TMEM47: variants seen among roughly 807,000 people sequenced by gnomAD.
TMEM47 encodes transmembrane protein 47.
Under a neutral mutation model 12.4 loss-of-function variants are expected in TMEM47, and 3 were observed. That is an observed-to-expected ratio of 0.24 (90% CI 0.11 to 0.63). The LOEUF (loss-of-function observed/expected upper bound fraction) is 0.63, where lower values mean the gene tolerates loss of function less well. Among genes scored for constraint, TMEM47 ranks in the 20% least tolerant of loss-of-function variants. TMEM47 has a pLI of 0.86. For synonymous variants in TMEM47, 62 were observed against 63.3 expected (o/e 0.98, Z 0.10); for missense variants, 89 against 143.8 (o/e 0.62, Z 1.95).
intron 2 of TMEM47, among the ~76,000 whole-genome samples, chrX:34,631,068 G>A: frequency 9.8e-6 from 1 of 102,528 alleles, no homozygotes; most frequent in Non-Finnish European, 2.0e-5. Context: ...CTACTCAGGA[G>A]GCTAAGGCTG....
At chrX:34,655,557 G>T (rs1328232548) in intron 1 of TMEM47, among the ~76,000 whole-genome samples, 1 of 111,730 alleles carries the variant, frequency 9.0e-6, no homozygotes, top group Non-Finnish European at 1.9e-5. Flanking sequence ...TAAATTTACA[G>T]AAGAAACTTG....
At chrX:34,642,951 A>C (rs1315221054) in intron 1 of TMEM47, among the ~76,000 whole-genome samples, 1 of 111,986 alleles carries the variant, frequency 8.9e-6, no homozygotes, top group East Asian at 2.8e-4. Flanking sequence ...AACCTCGATC[A>C]GGAAGCTGAA....
At chrX:34,649,182 C>T (rs1382644005) in intron 1 of TMEM47, among the ~76,000 whole-genome samples, 6 of 111,612 alleles carry the variant, frequency 5.4e-5, no homozygotes, top group Non-Finnish European at 1.9e-5. Context: ...ACCATTCAAC[C>T]CAGCAATCCC....
At chrX:34,656,472 C>G (rs1283403709) in intron 1 of TMEM47, among the ~76,000 whole-genome samples, 2 of 109,509 alleles carry the variant, frequency 1.8e-5, no homozygotes, top group African/African-American at 3.3e-5. Context: ...TGGAAGGCGT[C>G]GCATTTTTTT....
intron 2 of TMEM47, among the ~76,000 whole-genome samples, chrX:34,634,783 A>G (rs1215408531): frequency 8.9e-6 from 1 of 112,106 alleles, no homozygotes; most frequent in Admixed American, 9.5e-5. Flanking sequence ...AAAGACGTCT[A>G]GGAAGACAAA....
rs1377190357 is a variant in TMEM47, at chrX:34,627,618, T to C, written c.*2695A>G. The C allele has an allele frequency of 1.8e-5, 2 of 112,300 alleles. No homozygotes were observed. Among genetic ancestry groups the C allele is most frequent in the Non-Finnish European group, 3.8e-5 (2 of 53,150 alleles). The allele number at this position is 112,300 out of a possible 1,213,427, so 9.3% of individuals were successfully genotyped here. The stretch of plus-strand genomic sequence containing the variant: ...GAACTTACAAAAAGCTAAATAATTG[T>C]GCAAGAAATCGGAATAACTAGCCCT... On this transcript the variant is annotated 3_prime_UTR_variant, in exon 3 of 3. Coordinates refer to ENST00000275954, the MANE Select transcript of TMEM47 (RefSeq NM_031442.4).
chrX:34,642,543 A>G (rs865920705), intron 1 of TMEM47, among the ~76,000 whole-genome samples: 8 of 112,017 alleles, frequency 7.1e-5, no homozygotes, highest in Middle Eastern at 4.2e-3. Flanking sequence ...AAATACTTCT[A>G]AAAAGTAGAT....
At chrX:34,635,154 C>G (rs987966640) in intron 2 of TMEM47, among the ~76,000 whole-genome samples, 3 of 111,348 alleles carry the variant, frequency 2.7e-5, no homozygotes, top group Non-Finnish European at 5.6e-5. Flanking sequence ...TGATTATAAC[C>G]GACATTTCTC....
At chrX:34,655,183 G>C (rs1431909538) in intron 1 of TMEM47, among the ~76,000 whole-genome samples, 1 of 111,895 alleles carries the variant, frequency 8.9e-6, no homozygotes, top group Admixed American at 9.5e-5. Flanking sequence ...TAACCTATCT[G>C]AAAAGTCTTT....
rs1313775972 is a variant in TMEM47, at chrX:34,629,070, A to G, written c.*1243T>C. Reference sequence around the variant, plus strand: ...TACTCCTCTACTGAGACATTTAGATATTTATATAAATCTATCGCTATTCCT... The same window carrying G: ...TACTCCTCTACTGAGACATTTAGATGTTTATATAAATCTATCGCTATTCCT... On this transcript the variant is annotated 3_prime_UTR_variant, in exon 3 of 3. Transcript: ENST00000275954. The G allele has an allele frequency of 8.9e-6, 1 of 111,870 alleles. No individual in the cohort carries two copies. Among genetic ancestry groups the G allele is most frequent in the Non-Finnish European group, 1.9e-5 (1 of 53,110 alleles). 9.2% of individuals were successfully genotyped at this position (111,870 alleles called of 1,213,427 possible).
chrX:34,647,723 G>T (rs1921939632), intron 1 of TMEM47, among the ~76,000 whole-genome samples: 1 of 112,088 alleles, frequency 8.9e-6, no homozygotes, highest in Admixed American at 9.5e-5. Context: ...GTGTGAGGTT[G>T]AAATTCTGCT....
chrX:34,650,539 T>G (rs1385897199), intron 1 of TMEM47, among the ~76,000 whole-genome samples: 1 of 111,999 alleles, frequency 8.9e-6, no homozygotes, highest in Non-Finnish European at 1.9e-5. Flanking sequence ...AGAGCTATGT[T>G]ATTAAAACAA....
Position 34,628,848 on chromosome X carries a change from CA to C in TMEM47, c.*1464del, listed in dbSNP as rs1921558951. The C allele has an allele frequency of 9.0e-6, 1 of 111,475 alleles. No individual in the cohort carries two copies. Among genetic ancestry groups the C allele is most frequent in the African/African-American group, 3.3e-5 (1 of 30,597 alleles). The allele number at this position is 111,475 out of a possible 1,213,427, so 9.2% of individuals were successfully genotyped here. On this transcript the variant is annotated 3_prime_UTR_variant, in exon 3 of 3. Transcript: ENST00000275954. The stretch of plus-strand genomic sequence containing the variant: ...AAAATATGTTTATAATTAAGCTATC[CA>C]AATTTGTATATTAAACAGAATTAAC...
At chrX:34,649,439 A>G (rs769120256) in intron 1 of TMEM47, among the ~76,000 whole-genome samples, 3 of 111,630 alleles carry the variant, frequency 2.7e-5, no homozygotes, top group Non-Finnish European at 5.6e-5. Context: ...TTAGCACACT[A>G]ACGCAGGAAC....
chrX:34,656,532 C>A (rs1439947192), intron 1 of TMEM47, among the ~76,000 whole-genome samples: 2 of 110,389 alleles, frequency 1.8e-5, no homozygotes, highest in African/African-American at 3.3e-5. Flanking sequence ...CCCAAAATAG[C>A]GTACGTGTTA....
chrX:34,647,521 T>C (rs1024921196), intron 1 of TMEM47, among the ~76,000 whole-genome samples: 5 of 111,522 alleles, frequency 4.5e-5, no homozygotes, highest in African/African-American at 1.6e-4. Flanking sequence ...GGATGTTTCG[T>C]TGTACATTTT....
chrX:34,633,986 TA>T (rs753533585), intron 2 of TMEM47, among the ~76,000 whole-genome samples: 3 of 111,485 alleles, frequency 2.7e-5, no homozygotes, highest in Non-Finnish European at 5.6e-5. Flanking sequence ...TCTGCATTTG[TA>T]AATAATTTTC....
At chrX:34,630,808 T>G (rs2147136192) in intron 2 of TMEM47, among the ~76,000 whole-genome samples, 1 of 110,333 alleles carries the variant, frequency 9.1e-6, no homozygotes, top group African/African-American at 3.3e-5. Flanking sequence ...TAATTATCAT[T>G]ATTATTATGG....
At position 34,627,622 on chromosome X, in the gene TMEM47, A is replaced by G. The variant is rs762059937; in HGVS notation, c.*2691T>C. 2 of 112,248 alleles carry G rather than the reference A, an allele frequency of 1.8e-5. No individual in the cohort carries two copies. The highest frequency in any genetic ancestry group is 3.8e-5 in the Non-Finnish European group (2 of 53,122). 9.3% of individuals were successfully genotyped at this position (112,248 alleles called of 1,213,427 possible). ...TTACAAAAAGCTAAATAATTGTGCA[A>G]GAAATCGGAATAACTAGCCCTGCTG... On this transcript the variant is annotated 3_prime_UTR_variant, in exon 3 of 3. Transcript: ENST00000275954.
Sources: allele counts gnomAD v4.1 joint callset (sites outside exome capture counted in the v4.1 genomes callset), GRCh38; gene constraint gnomAD v4.1.1; transcripts MANE v1.5; gene names NCBI Gene and HGNC (gene_info 2026-07-23, HGNC 2026-07-21).